Variants in FRYL observed in about 807,000 individuals in gnomAD.
FRYL encodes the protein protein furry homolog-like.
In FRYL, 150 loss-of-function variants were observed where a neutral mutation model predicts 351.2. The observed-to-expected ratio is 0.43, with a 90% CI of 0.37 to 0.49. The LOEUF is 0.49. Ranked by LOEUF, FRYL falls within the 20% of genes least tolerant of loss-of-function variation. FRYL has a pLI of 0.00. For synonymous variants in FRYL, 1,153 were observed against 1,257.1 expected, an observed-to-expected ratio of 0.92 and a Z score of 1.75; for missense variants, 3,036 against 3,619.3, an observed-to-expected ratio of 0.84 and a Z score of 4.13.
chr4:48,773,360 C>T (rs1417297233), intron 1 of FRYL, among the ~76,000 whole-genome samples: 2 of 152,094 alleles, frequency 1.3e-5, no homozygotes, highest in South Asian at 2.1e-4. Context: ...GATCAATCTA[C>T]GAAGCACTAT....
Position 48,515,064 on chromosome 4 carries a change from C to T in FRYL, c.7901G>A (p.Cys2634Tyr). 1 of 1,613,838 alleles carries T rather than the reference C, an allele frequency of 6.2e-7. No individual in the cohort carries two copies. Among genetic ancestry groups the T allele is most frequent in the Non-Finnish European group, 8.5e-7 (1 of 1,179,822 alleles). ...TLALKELDER[C>Y]EEEEADFSGL... ...GGAGAAATCCGCTTCTTCTTCTTCA[C>T]ATCTTTCATCTAGCTCTTTCAGAGC... Residue 2634 changes from cysteine (C) to tyrosine (Y), a missense_variant, in exon 56 of 64, where the codon TGT becomes TAT. This residue lies in a region of FRYL where 1,987 missense variants were observed against 2,311.7 expected (regional missense o/e 0.86). Coordinates refer to ENST00000358350, the MANE Select transcript of FRYL (RefSeq NM_015030.2).
intron 8 of FRYL, among the ~76,000 whole-genome samples, chr4:48,609,541 G>T (rs1000285603): frequency 6.6e-6 from 1 of 151,860 alleles, no homozygotes; most frequent in African/African-American, 2.4e-5. Flanking sequence ...AGGATCACTT[G>T]AGCCCAGGAG....
At chr4:48,555,651 C>A (rs866256346) in intron 35 of FRYL, among the ~76,000 whole-genome samples, 1 of 152,116 alleles carries the variant, frequency 6.6e-6, no homozygotes, top group Non-Finnish European at 1.5e-5. Flanking sequence ...AGGGGGCCAG[C>A]GCAGCTGAAG....
intron 49 of FRYL, among the ~76,000 whole-genome samples, chr4:48,534,084 G>A (rs1266215094): frequency 1.3e-5 from 2 of 152,042 alleles, no homozygotes; most frequent in African/African-American, 4.8e-5. Flanking sequence ...AAATTAGCTG[G>A]GTGTGGTGGT....
At chr4:48,642,418 T>C (rs2149397754) in intron 3 of FRYL, among the ~76,000 whole-genome samples, 1 of 152,312 alleles carries the variant, frequency 6.6e-6, no homozygotes, top group Middle Eastern at 3.4e-3. Context: ...TTATTAATTC[T>C]ATTCCCAAAT....
intron 53 of FRYL, among the ~76,000 whole-genome samples, chr4:48,527,274 A>C (rs1726471325): frequency 6.6e-6 from 1 of 152,212 alleles, no homozygotes; most frequent in African/African-American, 2.4e-5. Flanking sequence ...ATATTTTTAA[A>C]GATAAAGATG....
At chr4:48,726,507 C>A (rs1770104183) in intron 1 of FRYL, among the ~76,000 whole-genome samples, 1 of 152,054 alleles carries the variant, frequency 6.6e-6, no homozygotes, top group Non-Finnish European at 1.5e-5. Flanking sequence ...CATGGTGAAA[C>A]CCTGTCTCTA....
chr4:48,776,236 C>T (rs1243517919), intron 1 of FRYL, among the ~76,000 whole-genome samples: 1 of 151,600 alleles, frequency 6.6e-6, no homozygotes, highest in African/African-American at 2.4e-5. Flanking sequence ...CATCTTCCCG[C>T]CTCAGCCTCC....
chr4:48,721,277 T>C (rs1257115351), intron 1 of FRYL, among the ~76,000 whole-genome samples: 3 of 150,906 alleles, frequency 2.0e-5, no homozygotes, highest in African/African-American at 7.3e-5. Context: ...AGGTAGAGAG[T>C]GGAGGGGCAG....
At chr4:48,621,313 A>T (rs1457521700) in intron 5 of FRYL, among the ~76,000 whole-genome samples, 1 of 152,226 alleles carries the variant, frequency 6.6e-6, no homozygotes, top group Admixed American at 6.5e-5. Flanking sequence ...GAAACATGTA[A>T]ACAGTGTGTA....
chr4:48,507,726 T>C (rs1181418638), intron 59 of FRYL, among the ~76,000 whole-genome samples: 1 of 152,064 alleles, frequency 6.6e-6, no homozygotes, highest in East Asian at 1.9e-4. Flanking sequence ...GATAGATAGA[T>C]AGATAGATAG....
At chr4:48,623,883 T>TA (rs1392276174) in intron 4 of FRYL, among the ~76,000 whole-genome samples, 2 of 3,740 alleles carry the variant, frequency 5.3e-4, no homozygotes, top group Non-Finnish European at 9.5e-3. Flanking sequence ...TAATATAAAA[T>TA]ACCTTTTATA....
chr4:48,508,652 TG>T (rs1018278590), intron 59 of FRYL, among the ~76,000 whole-genome samples: 3 of 152,174 alleles, frequency 2.0e-5, no homozygotes, highest in Non-Finnish European at 2.9e-5. Flanking sequence ...ATGGCTTGAC[TG>T]GGGAAGCGGC....
At chr4:48,773,372 T>G (rs1775711506) in intron 1 of FRYL, among the ~76,000 whole-genome samples, 1 of 152,190 alleles carries the variant, frequency 6.6e-6, no homozygotes, top group African/African-American at 2.4e-5. Flanking sequence ...AAGCACTATT[T>G]TTTTAACCAG....
intron 1 of FRYL, among the ~76,000 whole-genome samples, chr4:48,756,756 T>A (rs1411861828): frequency 2.6e-5 from 4 of 152,174 alleles, no homozygotes; most frequent in Non-Finnish European, 5.9e-5. Flanking sequence ...AAGACCAGCC[T>A]AGGCAACACA....
intron 1 of FRYL, among the ~76,000 whole-genome samples, chr4:48,736,867 A>AAG (rs1157398737): frequency 1.3e-5 from 2 of 150,214 alleles, no homozygotes; most frequent in Non-Finnish European, 3.0e-5. Context: ...AAAAAAAAAA[A>AAG]AAAGAAAAAA....
chr4:48,615,650 C>G (rs1057187752), intron 7 of FRYL, among the ~76,000 whole-genome samples: 1 of 152,162 alleles, frequency 6.6e-6, no homozygotes, highest in African/African-American at 2.4e-5. Context: ...AATTAGTCCT[C>G]TATTATCTGG....
At chr4:48,503,856 G>A (rs1440446748) in intron 60 of FRYL, among the ~76,000 whole-genome samples, 1 of 152,142 alleles carries the variant, frequency 6.6e-6, no homozygotes, top group Non-Finnish European at 1.5e-5. Flanking sequence ...CTAAATTTCT[G>A]AGGGTTTAGT....
chr4:48,707,235 T>C (rs1360620881), intron 2 of FRYL, among the ~76,000 whole-genome samples: 3 of 152,238 alleles, frequency 2.0e-5, no homozygotes, highest in Admixed American at 1.3e-4. Context: ...AATATGAATG[T>C]GCAGAAGTGC....
Sources: allele counts gnomAD v4.1 joint callset (sites outside exome capture counted in the v4.1 genomes callset), GRCh38; gene constraint gnomAD v4.1.1; regional missense constraint gnomAD v4.1.1; transcripts MANE v1.5; gene names NCBI Gene and HGNC (gene_info 2026-07-23, HGNC 2026-07-21).